The following PTPRN2 variants were observed in gnomAD, a reference collection of about 807,000 sequenced individuals.
PTPRN2 encodes the protein protein tyrosine phosphatase receptor type N2.
Under a neutral mutation model 118.8 loss-of-function variants are expected in PTPRN2, and 74 were observed. The observed-to-expected ratio is 0.62, with a 90% CI of 0.52 to 0.76. PTPRN2 has a LOEUF of 0.76. PTPRN2 is among the 30% of genes least tolerant of loss of function. The pLI, the probability that PTPRN2 is intolerant of heterozygous loss-of-function variation, is 0.00. For synonymous variants in PTPRN2, 641 were observed against 608.0 expected, an observed-to-expected ratio of 1.05 and a Z score of -0.80; for missense variants, 1,481 against 1,394.4, an observed-to-expected ratio of 1.06 and a Z score of -0.99.
Position 157,674,376 on chromosome 7 carries a change from G to A in PTPRN2, c.2001+8349C>T, listed in dbSNP as rs777137744. Among the ~76,000 whole-genome samples the A allele has an allele frequency of 6.6e-6, 1 of 152,188 alleles. No individual in the cohort carries two copies. Among genetic ancestry groups the A allele is most frequent in the Non-Finnish European group, 1.5e-5 (1 of 68,022 alleles). ...TATCCACGTCCTCGAAGTGATCCCC[G>A]TTTGACATTTGGAAATGACTTTCAT... On this transcript the variant is annotated intron_variant, in intron 13 of 22. Coordinates refer to ENST00000389418, the MANE Select transcript of PTPRN2 (RefSeq NM_002847.5). The surrounding 1 kb of genome is among the most constrained non-coding windows in gnomAD (Gnocchi z 4.5).
intron 2 of PTPRN2, among the ~76,000 whole-genome samples, chr7:158,337,848 T>C (rs751758474): frequency 0.78 from 433 of 552 alleles, 201 homozygotes; most frequent in African/African-American, 0.86. Flanking sequence ...TCACTCACAC[T>C]CACACTCTCA....
chr7:158,167,044 T>C lies in PTPRN2; in HGVS notation c.797A>G (p.Gln266Arg), dbSNP rs1348188907. 2.6e-6 allele frequency: 4 copies of C among 1,560,348 alleles called. No homozygotes were observed. Among genetic ancestry groups the C allele is most frequent in the Non-Finnish European group, 3.5e-6 (4 of 1,152,552 alleles). ...APPGEGSLEP[Q>R]YLLRAPSRMP... Reference sequence around the variant, plus strand: ...TCTTGAGGGTGCACGCAGAAGGTACTGTGGCTCCAGGCTGCCCTCCCCGGG... The same window carrying C: ...TCTTGAGGGTGCACGCAGAAGGTACCGTGGCTCCAGGCTGCCCTCCCCGGG... Residue 266 changes from glutamine (Q) to arginine (R), a missense_variant, in exon 6 of 23, where the codon CAG becomes CGG. By Grantham distance (43) the Gln-to-Arg change is conservative. Around this residue, in one of 3 missense-constraint regions of PTPRN2, gnomAD observed 1,115 missense variants for 994.2 expected, o/e 1.12. Transcript: ENST00000389418.
intron 22 of PTPRN2, among the ~76,000 whole-genome samples, chr7:157,547,551 C>T (rs757877487): frequency 5.3e-5 from 8 of 152,174 alleles, no homozygotes; most frequent in Middle Eastern, 3.4e-3. Context: ...GCAGCTGTCC[C>T]GTGTCACCTC....
At chr7:158,120,134 G>A (rs1169445167) in intron 9 of PTPRN2, among the ~76,000 whole-genome samples, 1 of 152,166 alleles carries the variant, frequency 6.6e-6, no homozygotes, top group African/African-American at 2.4e-5. Flanking sequence ...CCCATGTGAG[G>A]TTCCTAGAAT....
chr7:158,523,147 G>T (rs1427724833), intron 1 of PTPRN2, among the ~76,000 whole-genome samples: 1 of 152,146 alleles, frequency 6.6e-6, no homozygotes, highest in East Asian at 1.9e-4. Context: ...GTCCAGGAGG[G>T]GACATCACAG....
rs139220330 is a variant in PTPRN2, at chr7:157,804,783, C to A, written c.1788+93890G>T. On this transcript the variant is annotated intron_variant, in intron 12 of 22. Coordinates refer to ENST00000389418, the MANE Select transcript of PTPRN2 (RefSeq NM_002847.5). Reference sequence around the variant, plus strand: ...TCTGACTCTTGACAGATGATTTCTGCAGACAGATCCGATGTCATCTTCCTC... The same window carrying A: ...TCTGACTCTTGACAGATGATTTCTGAAGACAGATCCGATGTCATCTTCCTC... Among the ~76,000 whole-genome samples, 624 of 152,314 alleles carry A rather than the reference C, an allele frequency of 4.1e-3. 3 individuals are homozygous for A. The highest frequency in any genetic ancestry group is 0.014 in the African/African-American group (574 of 41,566).
intron 1 of PTPRN2, among the ~76,000 whole-genome samples, chr7:158,581,340 T>C (rs777951462): frequency 2.6e-5 from 4 of 152,080 alleles, no homozygotes; most frequent in Non-Finnish European, 5.9e-5. Context: ...TCAGTGAACA[T>C]GGAAGGCTCA....
intron 16 of PTPRN2, among the ~76,000 whole-genome samples, chr7:157,597,207 C>A (rs1688522281): frequency 6.6e-6 from 1 of 152,092 alleles, no homozygotes; most frequent in Non-Finnish European, 1.5e-5. Flanking sequence ...GGGAGAAAAG[C>A]TTTTTGTGCA....
At chr7:158,332,751 C>T (rs1352981449) in intron 2 of PTPRN2, among the ~76,000 whole-genome samples, 1 of 146,506 alleles carries the variant, frequency 6.8e-6, no homozygotes, top group African/African-American at 2.6e-5. Context: ...AGCTGAGGCC[C>T]ACAGAGGACA....
chr7:158,505,504 A>G (rs1822677994), intron 1 of PTPRN2, among the ~76,000 whole-genome samples: 1 of 152,224 alleles, frequency 6.6e-6, no homozygotes, highest in Non-Finnish European at 1.5e-5. Flanking sequence ...CCAGAGAAAA[A>G]TTAATGCAGG....
chr7:157,731,181 T>G (rs1799878470), intron 12 of PTPRN2, among the ~76,000 whole-genome samples: 1 of 152,032 alleles, frequency 6.6e-6, no homozygotes, highest in South Asian at 2.1e-4. Context: ...TCAAATCACT[T>G]CTTAGCATGC....
At chr7:158,203,350 C>T (rs989044893) in intron 4 of PTPRN2, among the ~76,000 whole-genome samples, 1 of 151,328 alleles carries the variant, frequency 6.6e-6, no homozygotes, top group African/African-American at 2.4e-5. Context: ...CTTTTAATCT[C>T]ACTTATAACT....
intron 2 of PTPRN2, among the ~76,000 whole-genome samples, chr7:158,396,697 T>C (rs181891329): frequency 3.3e-5 from 5 of 152,268 alleles, no homozygotes; most frequent in East Asian, 1.9e-4. Flanking sequence ...TGCATGTTTG[T>C]GTGTGCACAT....
intron 5 of PTPRN2, among the ~76,000 whole-genome samples, chr7:158,169,760 C>T (rs1376324186): frequency 2.0e-5 from 3 of 152,084 alleles, no homozygotes; most frequent in Non-Finnish European, 2.9e-5. Context: ...TGGCACATCT[C>T]GGCTCACTGC....
At chr7:158,020,411 G>A (rs1806785168) in intron 11 of PTPRN2, among the ~76,000 whole-genome samples, 2 of 152,206 alleles carry the variant, frequency 1.3e-5, no homozygotes, top group African/African-American at 4.8e-5. Flanking sequence ...TGATGCCTGG[G>A]CAGAGGCCAC....
intron 12 of PTPRN2, among the ~76,000 whole-genome samples, chr7:157,830,949 G>A (rs1016632848): frequency 1.2e-4 from 19 of 152,148 alleles, no homozygotes; most frequent in Admixed American, 7.9e-4. Context: ...TGCACCTCAC[G>A]GGGAAGTTTT....
chr7:158,332,413 CAT>C (rs1804669570), intron 2 of PTPRN2, among the ~76,000 whole-genome samples: 1 of 149,736 alleles, frequency 6.7e-6, no homozygotes, highest in African/African-American at 2.5e-5. Flanking sequence ...ATACTCTCAA[CAT>C]AAGAGCTGAC....
rs1046651683 is a variant in PTPRN2 at position 157,974,528 on chromosome 7, G to A, written c.1724-75791C>T. ...GGAACCGTCGGTCCTGCCATGGGAC[G>A]ATGTGACTGGGGGCTCGTCCATGCC... On this transcript the variant is annotated intron_variant, in intron 11 of 22. Transcript: ENST00000389418. This position sits in a 1 kb window ranked among gnomAD's most constrained non-coding sequence, Gnocchi z 4.0. Among the ~76,000 whole-genome samples, 5 of 152,154 alleles carry A rather than the reference G, an allele frequency of 3.3e-5. No individual in the cohort carries two copies. Among genetic ancestry groups the A allele is most frequent in the African/African-American group, 4.8e-5 (2 of 41,420 alleles).
rs370993914 is a variant in PTPRN2, at chr7:157,873,687, G to A, written c.1788+24986C>T. Among the ~76,000 whole-genome samples, 30 of 150,876 alleles carry A rather than the reference G, an allele frequency of 2.0e-4. No individual in the cohort carries two copies. In the East Asian group the frequency reaches 4.0e-3, roughly 20 times the overall value. ...TACTGTCCTCAAGGTCTGTCTCGTCGTGGGGGCCGGGAGGAGAACGTACTG... is the reference window on the plus strand; with the variant it reads ...TACTGTCCTCAAGGTCTGTCTCGTCATGGGGGCCGGGAGGAGAACGTACTG... On this transcript the variant is annotated intron_variant, in intron 12 of 22. Coordinates refer to ENST00000389418, the MANE Select transcript of PTPRN2 (RefSeq NM_002847.5).
Sources: gnomAD v4.1 joint callset for allele counts (sites outside exome capture counted in the v4.1 genomes callset) on GRCh38, gnomAD v4.1.1 for gene constraint, gnomAD v4.1.1 regional missense constraint, Gnocchi (gnomAD v3.1) non-coding constraint, MANE v1.5 for transcripts, NCBI Gene and HGNC (gene_info 2026-07-23, HGNC 2026-07-21) for gene names.